Variants in SLC25A25 observed in about 807,000 individuals in gnomAD.
The protein encoded by SLC25A25 is mitochondrial adenyl nucleotide antiporter SLC25A25.
A neutral mutation model predicts 57.7 loss-of-function variants in SLC25A25; 32 were observed. That is an observed-to-expected ratio of 0.55 (90% CI 0.42 to 0.74). The LOEUF (loss-of-function observed/expected upper bound fraction) is 0.74. Ranked by LOEUF, SLC25A25 falls within the 30% of genes least tolerant of loss-of-function variation. The pLI, the probability that SLC25A25 is intolerant of heterozygous loss-of-function variation, is 0.00. For synonymous variants in SLC25A25, 306 were observed against 291.2 expected, an observed-to-expected ratio of 1.05 and a Z score of -0.52; for missense variants, 556 against 701.3, an observed-to-expected ratio of 0.79 and a Z score of 2.34.
At position 128,068,394 on chromosome 9, in the gene SLC25A25, T is replaced by C. The variant is rs1832827890; in HGVS notation, c.75T>C (p.Ser25=). 1.3e-6 allele frequency: 2 copies of C among 1,557,702 alleles called. No homozygotes were observed. Among genetic ancestry groups the C allele is most frequent in the Admixed American group, 1.8e-5 (1 of 54,238 alleles). The change falls in exon 1 of 11, where the codon TCT becomes TCC. Residue 25 remains serine, a synonymous_variant. Transcript: ENST00000373069. ...CCGCCGCCACCGCCGCCTCTTCGTCTGCCTCATCGCCGGCGTCCGTGGGGG... is the reference window on the plus strand; with the variant it reads ...CCGCCGCCACCGCCGCCTCTTCGTCCGCCTCATCGCCGGCGTCCGTGGGGG... ...PDAAATAASS[S]ASSPASVGDP... is the part of the protein sequence containing the mutation.
intron 1 of SLC25A25, 30 bp downstream of exon 1, chr9:128,068,610 G>T: frequency 7.1e-7 from 1 of 1,404,704 alleles, no homozygotes; most frequent in Non-Finnish European, 9.2e-7. Context: ...AGCACTGGCG[G>T]GGAGGGAGCC....
chr9:128,099,712 A>G lies in SLC25A25; in HGVS notation c.262-1384A>G, dbSNP rs1247142108. Reference sequence around the variant, plus strand: ...TTTTGATCGCGCCAGGTCATGGGGTATCTGTTCAGGCCTCCCTGCCCCTGA... The same window carrying G: ...TTTTGATCGCGCCAGGTCATGGGGTGTCTGTTCAGGCCTCCCTGCCCCTGA... On this transcript the variant is annotated intron_variant, in intron 1 of 10. Transcript: ENST00000373069. This position sits in a 1 kb window ranked among gnomAD's most constrained non-coding sequence, Gnocchi z 6.8. Among the ~76,000 whole-genome samples, 1 of 152,150 alleles carries G rather than the reference A, an allele frequency of 6.6e-6. No individual in the cohort carries two copies. Among genetic ancestry groups the G allele is most frequent in the Non-Finnish European group, 1.5e-5 (1 of 68,020 alleles).
Position 128,101,486 on chromosome 9 carries a change from C to A in SLC25A25, c.476+90C>A. Reference sequence around the variant, plus strand: ...CCTCCGATGCCATTCCCTGGGCTGACCCTGAACTTGGCCTTCTCGTGGTTT... The same window carrying A: ...CCTCCGATGCCATTCCCTGGGCTGAACCTGAACTTGGCCTTCTCGTGGTTT... On this transcript the variant is annotated intron_variant, in intron 3 of 10. Coordinates refer to ENST00000373069, the MANE Select transcript of SLC25A25 (RefSeq NM_001330988.2). This position sits in a 1 kb window ranked among gnomAD's most constrained non-coding sequence, Gnocchi z 4.9. 6.9e-7 allele frequency: 1 copy of A among 1,447,384 alleles called. No individual in the cohort carries two copies. The highest frequency in any genetic ancestry group is 9.5e-7 in the Non-Finnish European group (1 of 1,051,032). 89.7% of individuals were successfully genotyped at this position (1,447,384 alleles called of 1,614,324 possible).
intron 1 of SLC25A25, chr9:128,098,533 G>A: frequency 6.3e-7 from 1 of 1,584,970 alleles, no homozygotes; most frequent in Non-Finnish European, 8.6e-7. Flanking sequence ...GCTCCCGGTG[G>A]TGAGGGCAGT....
chr9:128,105,304 G>A (rs1833977375), intron 6 of SLC25A25, among the ~76,000 whole-genome samples: 1 of 151,528 alleles, frequency 6.6e-6, no homozygotes, highest in Non-Finnish European at 1.5e-5. Context: ...CCAAGTAGCT[G>A]GGATTACTGG....
intron 1 of SLC25A25, among the ~76,000 whole-genome samples, chr9:128,090,618 C>T (rs1181031716): frequency 1.3e-5 from 2 of 151,456 alleles, no homozygotes; most frequent in Non-Finnish European, 2.9e-5. Flanking sequence ...TGAGACCAGC[C>T]TGGTCAACAT....
chr9:128,103,820 GGCTCAA>G lies in SLC25A25; in HGVS notation c.766_771del (p.Leu256_Lys257del). The G allele has an allele frequency of 6.2e-7, 1 of 1,604,398 alleles. No individual in the cohort carries two copies. Among genetic ancestry groups the G allele is most frequent in the South Asian group, 1.1e-5 (1 of 89,974 alleles). On this transcript the variant is annotated inframe_deletion, in exon 6 of 11. Transcript: ENST00000373069. This position sits in a 1 kb window ranked among gnomAD's most constrained non-coding sequence, Gnocchi z 6.7. ...AGAACCTGCACGGCCCCCCTGGACA[GGCTCAA>G]GGTGCTCATGCAGGTATGTAGGGAA...
intron 1 of SLC25A25, among the ~76,000 whole-genome samples, chr9:128,080,357 A>T (rs1408174734): frequency 6.6e-6 from 1 of 151,012 alleles, no homozygotes. Flanking sequence ...CCCAAAAAAA[A>T]AAAAAAAAAA....
intron 1 of SLC25A25, chr9:128,098,592 C>T (rs547339694): frequency 1.7e-5 from 27 of 1,614,040 alleles, no homozygotes; most frequent in East Asian, 2.2e-5. Context: ...CTGTATGTGC[C>T]GGTCATCGGG....
At chr9:128,086,191 C>T (rs868295457) in intron 1 of SLC25A25, among the ~76,000 whole-genome samples, 1 of 150,306 alleles carries the variant, frequency 6.7e-6, no homozygotes, top group Non-Finnish European at 1.5e-5. Flanking sequence ...TAGACAAGAT[C>T]TCACTCTGTT....
intron 6 of SLC25A25, among the ~76,000 whole-genome samples, chr9:128,104,709 G>C (rs1588791850): frequency 1.3e-5 from 2 of 152,082 alleles, no homozygotes; most frequent in Non-Finnish European, 2.9e-5. Flanking sequence ...AACCAGCATG[G>C]GTGGGGCAGC....
intron 1 of SLC25A25, among the ~76,000 whole-genome samples, chr9:128,097,809 C>G (rs577158581): frequency 1.3e-5 from 2 of 152,156 alleles, no homozygotes; most frequent in Non-Finnish European, 2.9e-5. Context: ...TCTGGGGCTC[C>G]TAGGTGAAGG....
chr9:128,105,048 G>A (rs1001774292), intron 6 of SLC25A25, among the ~76,000 whole-genome samples: 2 of 150,656 alleles, frequency 1.3e-5, no homozygotes, highest in South Asian at 4.2e-4. Context: ...TAGTAGAGAC[G>A]AGGTTTCATC....
chr9:128,086,567 A>G (rs954782660), intron 1 of SLC25A25, among the ~76,000 whole-genome samples: 1 of 151,990 alleles, frequency 6.6e-6, no homozygotes, highest in Non-Finnish European at 1.5e-5. Context: ...TCCCGACCTC[A>G]TGTGATCCAC....
intron 6 of SLC25A25, among the ~76,000 whole-genome samples, chr9:128,104,569 C>T: frequency 6.6e-6 from 1 of 152,214 alleles, no homozygotes; most frequent in East Asian, 1.9e-4. Flanking sequence ...CCCAGGACTT[C>T]CCCTCCTCTG....
rs74458232 is a variant in SLC25A25 at position 128,100,348 on chromosome 9, G to C, written c.262-748G>C. Among the ~76,000 whole-genome samples the C allele has an allele frequency of 8.8e-3, 1,342 of 152,138 alleles. 23 individuals are homozygous for C. Among genetic ancestry groups the C allele is most frequent in the African/African-American group, 0.031 (1,289 of 41,510 alleles). On this transcript the variant is annotated intron_variant, in intron 1 of 10. Coordinates refer to ENST00000373069, the MANE Select transcript of SLC25A25 (RefSeq NM_001330988.2). ...CCCACCTCCTGGGAGGCGGGGGCGG[G>C]GGGGGTTACTTTTGGAACCTCATTG... is the stretch of plus-strand genomic sequence containing the variant.
Position 128,068,254 on chromosome 9 carries a change from C to A in SLC25A25, c.-66C>A. 1 of 971,010 alleles carries A rather than the reference C, an allele frequency of 1.0e-6. No individual in the cohort carries two copies. Among genetic ancestry groups the A allele is most frequent in the Non-Finnish European group, 1.3e-6 (1 of 748,942 alleles). The allele number at this position is 971,010 out of a possible 1,614,324, so 60.1% of individuals were successfully genotyped here. A position where few individuals can be genotyped will look rare whatever the true frequency, so the allele number is the denominator to read the frequency against. On this transcript the variant is annotated 5_prime_UTR_variant, in exon 1 of 11. Transcript: ENST00000373069. ...GCTGCAGAGCGCCTGGCTTGCCTCC[C>A]GCGCGGTCACCGCCGGCCCGCCGCC...
At chr9:128,098,381 T>C in intron 1 of SLC25A25, 3 of 1,196,114 alleles carry the variant, frequency 2.5e-6, no homozygotes, top group Non-Finnish European at 3.3e-6. Flanking sequence ...TCTGTGTTCA[T>C]TGGCTGTTGG....
In SLC25A25 at chr9:128,079,116, A is replaced by T. The variant is rs150164118; in HGVS notation, c.261+10536A>T. On this transcript the variant is annotated intron_variant, in intron 1 of 10. Coordinates refer to ENST00000373069, the MANE Select transcript of SLC25A25 (RefSeq NM_001330988.2). ...AAATGAATAACAAAGGTAGGCCATA[A>T]GGAGCTTCTTATCTACTTTAAGCTC... Among the ~76,000 whole-genome samples the T allele has an allele frequency of 3.3e-5, 5 of 152,282 alleles. No homozygotes were observed. The East Asian group carries it at 9.7e-4, about 29-fold the overall frequency.
Sources: allele counts gnomAD v4.1 joint callset (sites outside exome capture counted in the v4.1 genomes callset), GRCh38; gene constraint gnomAD v4.1.1; non-coding constraint Gnocchi (gnomAD v3.1); transcripts MANE v1.5; gene names NCBI Gene and HGNC (gene_info 2026-07-23, HGNC 2026-07-21).